SLCO1C1: variants seen among roughly 807,000 people sequenced by gnomAD.
The protein encoded by SLCO1C1 is solute carrier organic anion transporter family member 1C1, also known as OAT-RP-5.
SLCO1C1 carries 70 observed loss-of-function variants against 76.4 expected under a neutral mutation model. The observed-to-expected ratio is 0.92, with a 90% CI of 0.76 to 1.12. The LOEUF is 1.12. SLCO1C1 is among the 50% of genes most tolerant of loss of function. SLCO1C1 has a pLI of 0.00. For synonymous variants in SLCO1C1, 306 were observed against 286.1 expected, an observed-to-expected ratio of 1.07 and a Z score of -0.70; for missense variants, 912 against 823.8, an observed-to-expected ratio of 1.11 and a Z score of -1.31.
At chr12:20,746,146 A>C (rs79932851) in intron 13 of SLCO1C1, among the ~76,000 whole-genome samples, 3,720 of 152,308 alleles carry the variant, frequency 0.024, 62 homozygotes, top group Non-Finnish European at 0.04. Flanking sequence ...AGAAGGCTAT[A>C]TCACAAGGGA....
At chr12:20,704,121 C>T (rs1178006163) in intron 3 of SLCO1C1, among the ~76,000 whole-genome samples, 1 of 150,984 alleles carries the variant, frequency 6.6e-6, no homozygotes, top group Non-Finnish European at 1.5e-5. Context: ...ATTTTTATAT[C>T]CAATTTCATT....
intron 5 of SLCO1C1, among the ~76,000 whole-genome samples, chr12:20,712,660 T>A (rs981826143): frequency 2.0e-5 from 3 of 152,138 alleles, no homozygotes; most frequent in African/African-American, 4.8e-5. Context: ...TCCATCCAAA[T>A]CTCTTATCTA....
chr12:20,731,643 T>C (rs1411867316), intron 9 of SLCO1C1, among the ~76,000 whole-genome samples: 1 of 152,222 alleles, frequency 6.6e-6, no homozygotes, highest in African/African-American at 2.4e-5. Context: ...TGGACATCAA[T>C]GATTGATAGG....
At chr12:20,717,889 A>C (rs1266272305) in intron 7 of SLCO1C1, among the ~76,000 whole-genome samples, 1 of 151,882 alleles carries the variant, frequency 6.6e-6, no homozygotes, top group South Asian at 2.1e-4. Context: ...TTTTTTAAAG[A>C]ATTCCAAGAG....
At chr12:20,743,431 T>A in intron 13 of SLCO1C1, 62 bp downstream of exon 13, 1 of 1,343,530 alleles carries the variant, frequency 7.4e-7, no homozygotes, top group South Asian at 1.3e-5. Flanking sequence ...AAGACTTTTC[T>A]AAATATTTTT....
At chr12:20,710,378 T>G (rs1328530589) in intron 4 of SLCO1C1, among the ~76,000 whole-genome samples, 2 of 151,980 alleles carry the variant, frequency 1.3e-5, no homozygotes, top group African/African-American at 4.8e-5. Flanking sequence ...CCAATGCATA[T>G]TCCTGTGATT....
intron 1 of SLCO1C1, among the ~76,000 whole-genome samples, chr12:20,696,171 G>T (rs1946256062): frequency 6.6e-6 from 1 of 152,144 alleles, no homozygotes; most frequent in African/African-American, 2.4e-5. Context: ...TATTAAATCT[G>T]AATCTGACAC....
chr12:20,750,833 A>C, intron 14 of SLCO1C1, 41 bp downstream of exon 14: 2 of 1,613,952 alleles, frequency 1.2e-6, no homozygotes, highest in Non-Finnish European at 8.5e-7. Context: ...TTGCTACAGC[A>C]TCCCAGATTT....
intron 6 of SLCO1C1, among the ~76,000 whole-genome samples, chr12:20,715,515 T>G (rs1947323138): frequency 6.6e-6 from 1 of 152,206 alleles, no homozygotes; most frequent in Admixed American, 6.5e-5. Flanking sequence ...AGAAAATAAC[T>G]GCGAGCTTAG....
intron 9 of SLCO1C1, among the ~76,000 whole-genome samples, chr12:20,729,328 A>C (rs1241384031): frequency 1.3e-5 from 2 of 152,162 alleles, no homozygotes. Context: ...AGTTATCTTG[A>C]AATAGGAGAG....
At chr12:20,698,146 T>C (rs911764060) in intron 1 of SLCO1C1, among the ~76,000 whole-genome samples, 1 of 152,090 alleles carries the variant, frequency 6.6e-6, no homozygotes, top group Non-Finnish European at 1.5e-5. Flanking sequence ...TTTTATGTTT[T>C]ATACTCCTAA....
At chr12:20,730,435 A>G (rs553438813) in intron 9 of SLCO1C1, among the ~76,000 whole-genome samples, 4 of 152,212 alleles carry the variant, frequency 2.6e-5, no homozygotes, top group Non-Finnish European at 1.5e-5. Flanking sequence ...CATTTTAAAA[A>G]ATCAGAAAAT....
intron 9 of SLCO1C1, among the ~76,000 whole-genome samples, chr12:20,731,215 C>T (rs1412736563): frequency 6.6e-6 from 1 of 152,192 alleles, no homozygotes; most frequent in Non-Finnish European, 1.5e-5. Flanking sequence ...CAAACCACCC[C>T]CAGCCTTCCA....
chr12:20,739,040 T>C (rs1948680604), intron 11 of SLCO1C1, among the ~76,000 whole-genome samples: 1 of 152,208 alleles, frequency 6.6e-6, no homozygotes, highest in African/African-American at 2.4e-5. Context: ...AAATAAAATT[T>C]ACAGAAATAA....
Position 20,727,902 on chromosome 12 carries a change from T to C in SLCO1C1, c.1186+4648T>C, listed in dbSNP as rs368697058. Among the ~76,000 whole-genome samples, 9 of 152,368 alleles carry C rather than the reference T, an allele frequency of 5.9e-5. No individual in the cohort carries two copies. In the East Asian group the frequency reaches 1.7e-3, roughly 29 times the overall value. ...TTCTTGTTGTTTCGTTTAAGTTCCTTATAGTGTCTGGATATTAGATCTTCA... is the reference window on the plus strand; with the variant it reads ...TTCTTGTTGTTTCGTTTAAGTTCCTCATAGTGTCTGGATATTAGATCTTCA... On this transcript the variant is annotated intron_variant, in intron 9 of 14. Coordinates refer to ENST00000266509, the MANE Select transcript of SLCO1C1 (RefSeq NM_017435.5).
intron 1 of SLCO1C1, among the ~76,000 whole-genome samples, chr12:20,698,717 A>G (rs1565494536): frequency 6.6e-6 from 1 of 152,052 alleles, no homozygotes; most frequent in Non-Finnish European, 1.5e-5. Context: ...GTCATCTGAT[A>G]ATATTAGGGA....
In SLCO1C1 at chr12:20,707,871, G is replaced by A. The variant is rs1946861881; in HGVS notation, c.404+1790G>A. Among the ~76,000 whole-genome samples the A allele has an allele frequency of 2.6e-5, 4 of 152,312 alleles. No homozygotes were observed. The South Asian group carries it at 8.3e-4, about 32-fold the overall frequency. ...AGGTCGGACAACCAGACAGGCTAGT[G>A]TTGACAAAGGATATCAAAGGGACAG... On this transcript the variant is annotated intron_variant, in intron 4 of 14. Transcript: ENST00000266509.
intron 13 of SLCO1C1, among the ~76,000 whole-genome samples, chr12:20,747,415 G>A (rs531551722): frequency 7.1e-6 from 1 of 140,686 alleles, no homozygotes; most frequent in South Asian, 2.7e-4. Context: ...GGTGACAGAG[G>A]GAGACTCTGT....
At chr12:20,737,880 A>G (rs1948621089) in intron 11 of SLCO1C1, among the ~76,000 whole-genome samples, 1 of 152,144 alleles carries the variant, frequency 6.6e-6, no homozygotes, top group African/African-American at 2.4e-5. Context: ...CCAGGCTGCT[A>G]TAACAAATAT....
Sources: gnomAD v4.1 joint callset for allele counts (sites outside exome capture counted in the v4.1 genomes callset) on GRCh38, gnomAD v4.1.1 for gene constraint, MANE v1.5 for transcripts, NCBI Gene and HGNC (gene_info 2026-07-23, HGNC 2026-07-21) for gene names.